The following ASCC1 variants were observed in gnomAD, a reference collection of about 807,000 sequenced individuals.
ASCC1 encodes activating signal cointegrator 1 complex subunit 1.
ASCC1 carries 35 observed loss-of-function variants against 46.6 expected under a neutral mutation model. The observed-to-expected ratio is 0.75, with a 90% CI of 0.57 to 0.99. ASCC1 has a LOEUF of 0.99. Ranked by LOEUF, ASCC1 falls within the 50% of genes least tolerant of loss-of-function variation. The pLI, the probability that ASCC1 is intolerant of heterozygous loss-of-function variation, is 0.00. For synonymous variants in ASCC1, 143 were observed against 146.6 expected (o/e 0.98, Z 0.18); for missense variants, 376 against 428.7 (o/e 0.88, Z 1.09).
chr10:72,189,923 G>C, intron 5 of ASCC1: 1 of 701,214 alleles, frequency 1.4e-6, no homozygotes, highest in Middle Eastern at 4.0e-4. Flanking sequence ...TCTGGCGGCA[G>C]CCATCAGGTA....
intron 5 of ASCC1, among the ~76,000 whole-genome samples, chr10:72,175,899 G>A (rs1200906548): frequency 1.3e-5 from 2 of 152,182 alleles, no homozygotes; most frequent in African/African-American, 2.4e-5. Context: ...GGTTAACAGC[G>A]CAAGAGAGAT....
intron 3 of ASCC1, among the ~76,000 whole-genome samples, chr10:72,209,166 A>T (rs1044063681): frequency 6.0e-5 from 8 of 132,428 alleles, no homozygotes; most frequent in Non-Finnish European, 9.5e-5. Context: ...CCCTGTCTTT[A>T]AAAAAAAAAA....
chr10:72,114,329 A>T (rs1178101703), intron 9 of ASCC1, among the ~76,000 whole-genome samples: 2 of 152,222 alleles, frequency 1.3e-5, no homozygotes, highest in Non-Finnish European at 2.9e-5. Context: ...ACCTAATTTT[A>T]AAAAAGAAAT....
chr10:72,112,235 AT>A (rs1294070290), intron 9 of ASCC1, among the ~76,000 whole-genome samples: 1 of 152,208 alleles, frequency 6.6e-6, no homozygotes, highest in African/African-American at 2.4e-5. Context: ...ATGGAATAAT[AT>A]TCAGCCTTAA....
intron 7 of ASCC1, among the ~76,000 whole-genome samples, chr10:72,141,399 A>T (rs1846996255): frequency 6.6e-6 from 1 of 152,156 alleles, no homozygotes; most frequent in South Asian, 2.1e-4. Context: ...TTTGATTTTG[A>T]TGACCATTTA....
In ASCC1 at chr10:72,096,718, A is replaced by G. The variant is rs1841130809; in HGVS notation, c.*616T>C. 2.2e-6 allele frequency: 1 copy of G among 454,038 alleles called. No individual in the cohort carries two copies. Among genetic ancestry groups the G allele is most frequent in the Non-Finnish European group, 4.4e-6 (1 of 226,806 alleles). 28.1% of individuals were successfully genotyped at this position (454,038 alleles called of 1,614,324 possible). A position where few individuals can be genotyped will look rare whatever the true frequency, so the allele number is the denominator to read the frequency against. ...GTACGCACATGTAACGGAACATTCC[A>G]TTATATGTATAATACAGGAAGGAAA... is the stretch of plus-strand genomic sequence containing the variant. On this transcript the variant is annotated 3_prime_UTR_variant, in exon 10 of 10. Coordinates refer to ENST00000672957, the MANE Select transcript of ASCC1 (RefSeq NM_001198800.3).
At chr10:72,175,568 A>G (rs1051661187) in intron 5 of ASCC1, among the ~76,000 whole-genome samples, 3 of 152,236 alleles carry the variant, frequency 2.0e-5, no homozygotes, top group Non-Finnish European at 4.4e-5. Flanking sequence ...CTATTTATTC[A>G]TACATAATTA....
intron 9 of ASCC1, among the ~76,000 whole-genome samples, chr10:72,108,809 T>G (rs1327718735): frequency 6.6e-6 from 1 of 152,196 alleles, no homozygotes; most frequent in African/African-American, 2.4e-5. Context: ...TAATCTCTAA[T>G]GCATCACTGC....
chr10:72,189,823 AGAACC>A, intron 5 of ASCC1: 1 of 378,512 alleles, frequency 2.6e-6, no homozygotes, highest in South Asian at 3.1e-5. Flanking sequence ...AAAAAAAAAA[AGAACC>A]AAAGACATGA....
intron 7 of ASCC1, among the ~76,000 whole-genome samples, chr10:72,134,991 C>T (rs935076507): frequency 6.6e-6 from 1 of 152,100 alleles, no homozygotes; most frequent in African/African-American, 2.4e-5. Flanking sequence ...AGGAAGTGCA[C>T]ATAACTCTGT....
intron 9 of ASCC1, among the ~76,000 whole-genome samples, chr10:72,127,306 A>G (rs1281657602): frequency 6.6e-6 from 1 of 152,230 alleles, no homozygotes; most frequent in Non-Finnish European, 1.5e-5. Flanking sequence ...CTGATGGAGA[A>G]GGCATAAATC....
intron 9 of ASCC1, among the ~76,000 whole-genome samples, chr10:72,099,015 G>C (rs574499004): frequency 2.0e-5 from 3 of 152,148 alleles, no homozygotes; most frequent in Non-Finnish European, 2.9e-5. Context: ...AAGCCTTCTA[G>C]GTACAGAAAA....
intron 1 of ASCC1, among the ~76,000 whole-genome samples, chr10:72,214,205 AAC>A (rs201213174): frequency 1.6e-3 from 242 of 151,946 alleles, no homozygotes; most frequent in African/African-American, 5.6e-3. Flanking sequence ...CAACAACAAC[AAC>A]AAAAAAAAGA....
chr10:72,103,246 C>A (rs1293094212), intron 9 of ASCC1, among the ~76,000 whole-genome samples: 1 of 151,638 alleles, frequency 6.6e-6, no homozygotes, highest in African/African-American at 2.4e-5. Context: ...CATTCTCCTG[C>A]CTCAGCCTCC....
Position 72,138,600 on chromosome 10 carries a change from C to T in ASCC1, c.747-5419G>A, listed in dbSNP as rs371177240. ...CTGTTTCCTTTTTCTTTCTTTCTTT[C>T]TTTTTTTTTTTTTTTTTTTTTTTGA... On this transcript the variant is annotated intron_variant, in intron 7 of 9. Coordinates refer to ENST00000672957, the MANE Select transcript of ASCC1 (RefSeq NM_001198800.3). Among the ~76,000 whole-genome samples, 890 of 104,638 alleles carry T rather than the reference C, an allele frequency of 8.5e-3. 29 individuals are homozygous for T. Among genetic ancestry groups the T allele is most frequent in the African/African-American group, 0.037 (849 of 23,124 alleles). The allele number at this position is 104,638 out of a possible 152,430, so 68.6% of individuals were successfully genotyped here. A position where few individuals can be genotyped will look rare whatever the true frequency, so the allele number is the denominator to read the frequency against.
At chr10:72,113,218 C>T (rs531728931) in intron 9 of ASCC1, among the ~76,000 whole-genome samples, 1 of 152,220 alleles carries the variant, frequency 6.6e-6, no homozygotes, top group East Asian at 1.9e-4. Context: ...AAAGGTAATG[C>T]TAACCTCTTA....
In ASCC1 at chr10:72,207,801, A is replaced by T. The variant is rs566073925; in HGVS notation, c.212+2931T>A. ...TAAGCCTACAGAAATTATTCCCAAGAAAGAAATCTTAGTATTTTTTTTTTT... is the reference window on the plus strand; with the variant it reads ...TAAGCCTACAGAAATTATTCCCAAGTAAGAAATCTTAGTATTTTTTTTTTT... On this transcript the variant is annotated intron_variant, in intron 3 of 9. Transcript: ENST00000672957. 2.1e-5 allele frequency among the ~76,000 whole-genome samples: 3 copies of T among 142,022 alleles called. No homozygotes were observed. The South Asian group carries it at 6.9e-4, about 33-fold the overall frequency. The allele number at this position is 142,022 out of a possible 152,430, so 93.2% of individuals were successfully genotyped here.
At chr10:72,159,159 TTTTGGCAGGGTAAC>T (rs1485493260) in intron 6 of ASCC1, 4 of 152,200 alleles carry the variant, frequency 2.6e-5, no homozygotes, top group African/African-American at 9.6e-5. Context: ...CACTGCAGAT[TTTTGGCAGGGTAAC>T]TTTGTCCTAT....
chr10:72,216,944 GAGAA>G (rs1388651898), upstream of ASCC1: 1 of 456,174 alleles, frequency 2.2e-6, no homozygotes, highest in Admixed American at 2.3e-5. Context: ...TCTGCACAAT[GAGAA>G]AGAAAAAAAT....
Sources: gnomAD v4.1 joint callset for allele counts (sites outside exome capture counted in the v4.1 genomes callset) on GRCh38, gnomAD v4.1.1 for gene constraint, MANE v1.5 for transcripts, NCBI Gene and HGNC (gene_info 2026-07-23, HGNC 2026-07-21) for gene names.